The following RIMBP2 variants were observed in gnomAD, a reference collection of about 807,000 sequenced individuals.
The protein encoded by RIMBP2 is RIMS-binding protein 2.
RIMBP2 carries 48 observed loss-of-function variants against 118.6 expected under a neutral mutation model. The observed-to-expected ratio is 0.40, with a 90% CI of 0.32 to 0.51. The LOEUF is 0.51. Ranked by LOEUF, RIMBP2 falls within the 20% of genes least tolerant of loss-of-function variation. RIMBP2 has a pLI of 0.41. For synonymous variants in RIMBP2, 762 were observed against 742.9 expected (o/e 1.03, Z -0.42); for missense variants, 1,551 against 1,768.3 (o/e 0.88, Z 2.20).
At chr12:130,538,804 G>T (rs1019230115) in intron 2 of RIMBP2, among the ~76,000 whole-genome samples, 1 of 152,150 alleles carries the variant, frequency 6.6e-6, no homozygotes, top group Non-Finnish European at 1.5e-5. Flanking sequence ...AGAGTCATGG[G>T]CAGTGACAAA....
At chr12:130,438,894 G>A (rs531475575) in intron 11 of RIMBP2, among the ~76,000 whole-genome samples, 1 of 152,224 alleles carries the variant, frequency 6.6e-6, no homozygotes, top group African/African-American at 2.4e-5. Flanking sequence ...CTCAGAGAGG[G>A]GCCAACGAGA....
At chr12:130,562,608 C>G (rs1428272006) in intron 2 of RIMBP2, among the ~76,000 whole-genome samples, 1 of 152,218 alleles carries the variant, frequency 6.6e-6, no homozygotes, top group Admixed American at 6.5e-5. Flanking sequence ...CTCCTCTTCT[C>G]TCATTGGCCA....
chr12:130,650,957 TTAA>T (rs2063204780), intron 1 of RIMBP2, among the ~76,000 whole-genome samples: 1 of 130,486 alleles, frequency 7.7e-6, no homozygotes, highest in African/African-American at 3.0e-5. Flanking sequence ...CTTGTTTTTT[TTAA>T]AAAAAAAAAA....
intron 21 of RIMBP2, among the ~76,000 whole-genome samples, chr12:130,402,587 C>T (rs774988162): frequency 1.1e-4 from 17 of 152,180 alleles, no homozygotes; most frequent in Non-Finnish European, 2.5e-4. Context: ...TTTCCCTCCT[C>T]AGTCCCTCCA....
At chr12:130,563,445 A>G (rs1418555336) in intron 2 of RIMBP2, among the ~76,000 whole-genome samples, 2 of 152,216 alleles carry the variant, frequency 1.3e-5, no homozygotes, top group East Asian at 3.8e-4. Flanking sequence ...ATCAAAGGTT[A>G]ATAGCAAAAG....
At chr12:130,534,576 C>A (rs776385408) in intron 2 of RIMBP2, among the ~76,000 whole-genome samples, 19 of 152,144 alleles carry the variant, frequency 1.2e-4, no homozygotes, top group Admixed American at 2.0e-4. Flanking sequence ...TGTGAGAGTC[C>A]CCATGGCTTT....
At chr12:130,455,886 T>A (rs1466380447) in intron 7 of RIMBP2, among the ~76,000 whole-genome samples, 1 of 151,906 alleles carries the variant, frequency 6.6e-6, no homozygotes, top group African/African-American at 2.4e-5. Context: ...TTAAAGGACA[T>A]CTGTGATCGC....
At chr12:130,510,728 C>T (rs867451247) in intron 3 of RIMBP2, among the ~76,000 whole-genome samples, 13 of 152,178 alleles carry the variant, frequency 8.5e-5, no homozygotes, top group Non-Finnish European at 1.3e-4. Context: ...TTCGGCCTCC[C>T]GAAGTGCTGG....
chr12:130,582,687 G>A, intron 2 of RIMBP2, among the ~76,000 whole-genome samples: 1 of 152,218 alleles, frequency 6.6e-6, no homozygotes. Context: ...TGAAAGAAAT[G>A]CACATTCTCT....
chr12:130,399,688 C>T lies in RIMBP2; in HGVS notation c.3891G>A (p.Lys1297=), dbSNP rs1555234371. ...AAATAGGTTTGCTTACCCTTTTTGC[C>T]TTTGAGCGCATTGGCGTATCTTGAG... is the stretch of plus-strand genomic sequence containing the variant. ...HYSQDTPMRS[K]AKRVPPEGSG... Residue 1297 remains lysine (K), a synonymous_variant, in exon 22 of 23, where the codon AAG becomes AAA. Coordinates refer to ENST00000690449, the MANE Select transcript of RIMBP2 (RefSeq NM_001393629.1). The T allele has an allele frequency of 6.2e-7, 1 of 1,611,210 alleles. No individual in the cohort carries two copies. The highest frequency in any genetic ancestry group is 8.5e-7 in the Non-Finnish European group (1 of 1,179,144).
At chr12:130,400,788 A>G (rs137978376) in intron 21 of RIMBP2, among the ~76,000 whole-genome samples, 3 of 152,306 alleles carry the variant, frequency 2.0e-5, no homozygotes, top group East Asian at 3.9e-4. Flanking sequence ...AATTAAAGAC[A>G]TTTCTCCAAA....
rs902020302 is a variant in RIMBP2 at position 130,396,291 on chromosome 12, A to G, written c.*1070T>C. On this transcript the variant is annotated 3_prime_UTR_variant, in exon 23 of 23. Coordinates refer to ENST00000690449, the MANE Select transcript of RIMBP2 (RefSeq NM_001393629.1). ...TTATAATAGCGTTTTTGAAGACACA[A>G]TGGGGAAAGCTTTGTCATTCATTTA... is the stretch of plus-strand genomic sequence containing the variant. 2.6e-4 allele frequency: 39 copies of G among 152,648 alleles called. No homozygotes were observed. Among genetic ancestry groups the G allele is most frequent in the African/African-American group, 7.2e-5 (3 of 41,458 alleles). 9.5% of individuals were successfully genotyped at this position (152,648 alleles called of 1,614,324 possible).
chr12:130,478,443 T>C (rs1366882563), intron 5 of RIMBP2, among the ~76,000 whole-genome samples: 1 of 152,158 alleles, frequency 6.6e-6, no homozygotes. Flanking sequence ...GGGCATCAAT[T>C]GGGTCCAGTC....
chr12:130,561,760 C>T (rs2056839888), intron 2 of RIMBP2, among the ~76,000 whole-genome samples: 1 of 152,080 alleles, frequency 6.6e-6, no homozygotes, highest in African/African-American at 2.4e-5. Context: ...AGGCAGCCAT[C>T]CTAGCAAGGA....
rs979013449 is a variant in RIMBP2, at chr12:130,564,909, A to C, written c.-216-46992T>G. ...CCACACACACACAGAACAACAAGGA[A>C]ACCCAAGAAAACTTTTGGAGGTGAA... On this transcript the variant is annotated intron_variant, in intron 2 of 22. Transcript: ENST00000690449. Among the ~76,000 whole-genome samples, 4 of 152,204 alleles carry C rather than the reference A, an allele frequency of 2.6e-5. No individual in the cohort carries two copies. In the East Asian group the frequency reaches 7.7e-4, roughly 29 times the overall value.
At chr12:130,618,718 A>C (rs895575570) in intron 2 of RIMBP2, among the ~76,000 whole-genome samples, 24 of 152,234 alleles carry the variant, frequency 1.6e-4, no homozygotes, top group African/African-American at 5.5e-4. Context: ...AGACGGAAAC[A>C]TCTTTATAGC....
At chr12:130,615,149 A>G (rs2060822150) in intron 2 of RIMBP2, among the ~76,000 whole-genome samples, 1 of 146,556 alleles carries the variant, frequency 6.8e-6, no homozygotes, top group African/African-American at 2.5e-5. Context: ...ATGTATATAC[A>G]TATATATTAT....
chr12:130,444,989 C>T (rs189719511), intron 10 of RIMBP2, among the ~76,000 whole-genome samples, 171 bp downstream of exon 10: 234 of 152,274 alleles, frequency 1.5e-3, no homozygotes, highest in African/African-American at 5.5e-3. Context: ...TCTTTCCAGT[C>T]GTCAAAGAGG....
At chr12:130,616,959 C>T (rs544169537) in intron 2 of RIMBP2, among the ~76,000 whole-genome samples, 7 of 152,298 alleles carry the variant, frequency 4.6e-5, no homozygotes, top group Non-Finnish European at 7.4e-5. Context: ...GCAACATGGG[C>T]CTTGGCGTCA....
Sources: allele counts gnomAD v4.1 joint callset (sites outside exome capture counted in the v4.1 genomes callset), GRCh38; gene constraint gnomAD v4.1.1; transcripts MANE v1.5; gene names NCBI Gene and HGNC (gene_info 2026-07-23, HGNC 2026-07-21).